Variants in ST6GALNAC2 observed in about 807,000 individuals in gnomAD.
ST6GALNAC2 encodes the protein alpha-N-acetylgalactosaminide alpha-2,6-sialyltransferase 2.
In ST6GALNAC2, 42 loss-of-function variants were observed where a neutral mutation model predicts 38.7. That is an observed-to-expected ratio of 1.09 (90% CI 0.85 to 1.40). The LOEUF is 1.40. ST6GALNAC2 is among the 40% of genes most tolerant of loss of function. The pLI, the probability that ST6GALNAC2 is intolerant of heterozygous loss-of-function variation, is 0.00. For synonymous variants in ST6GALNAC2, 233 were observed against 209.0 expected, an observed-to-expected ratio of 1.11 and a Z score of -0.99; for missense variants, 506 against 481.7, an observed-to-expected ratio of 1.05 and a Z score of -0.47.
intron 2 of ST6GALNAC2, 141 bp downstream of exon 2, chr17:76,578,615 C>T (rs545640398): frequency 2.2e-5 from 16 of 718,764 alleles, no homozygotes; most frequent in African/African-American, 1.8e-4. Flanking sequence ...CCTGAAGGGA[C>T]GGATGCTCAG....
Position 76,571,281 on chromosome 17 carries a change from C to T in ST6GALNAC2, c.670-613G>A, listed in dbSNP as rs112071250. On this transcript the variant is annotated intron_variant, in intron 5 of 8. Coordinates refer to ENST00000225276, the MANE Select transcript of ST6GALNAC2 (RefSeq NM_006456.3). Reference sequence around the variant, plus strand: ...ATTTGTTACACAGTAATAGATAACTCGTACATGTACTGTGGCTACACTGAA... The same window carrying T: ...ATTTGTTACACAGTAATAGATAACTTGTACATGTACTGTGGCTACACTGAA... 3.6e-3 allele frequency: 556 copies of T among 152,732 alleles called. 4 individuals are homozygous for T. The highest frequency in any genetic ancestry group is 8.0e-3 in the South Asian group (39 of 4,848). 9.5% of individuals were successfully genotyped at this position (152,732 alleles called of 1,614,324 possible).
intron 2 of ST6GALNAC2, 119 bp downstream of exon 2, chr17:76,578,637 G>A: frequency 2.2e-6 from 2 of 915,464 alleles, no homozygotes; most frequent in South Asian, 3.2e-5. Context: ...TGTAACTTAG[G>A]GCGTTCCAAA....
chr17:76,574,380 C>T lies in ST6GALNAC2; in HGVS notation c.346G>A (p.Gly116Arg). The change falls in exon 3 of 9, where the codon GGG becomes AGG. Residue 116 changes from glycine to arginine, a missense_variant. Transcript: ENST00000225276. Reference protein sequence around the residue: ...SQHKAPYGWRGLSHQVIASTL... With the variant: ...SQHKAPYGWRRLSHQVIASTL... ...CGCGGGTTACCTTGGTGAGAGAGCC[C>T]CCGCCAGCCATACGGGGCTTTGTGT... is the stretch of plus-strand genomic sequence containing the variant. 1.2e-6 allele frequency: 2 copies of T among 1,612,656 alleles called. No homozygotes were observed. Among genetic ancestry groups the T allele is most frequent in the Non-Finnish European group, 1.7e-6 (2 of 1,179,286 alleles).
rs145122753 is a variant in ST6GALNAC2, at chr17:76,575,691, A to G, written c.187-1152T>C. Among the ~76,000 whole-genome samples, 13 of 152,310 alleles carry G rather than the reference A, an allele frequency of 8.5e-5. No homozygotes were observed. The East Asian group carries it at 2.5e-3, about 29-fold the overall frequency. On this transcript the variant is annotated intron_variant, in intron 2 of 8. Transcript: ENST00000225276. ...TCCAGCAGCCACGGGGAAGGAACAC[A>G]GCACCTCTGTACTTGTGGGCCTTGA...
At position 76,565,936 on chromosome 17, in the gene ST6GALNAC2, A is replaced by G; in HGVS notation, c.*168T>C. Reference sequence around the variant, plus strand: ...AAGAGTTCTTGGATGAGCCAAGGACAAGCTGGGGTGTCCTATATTGAACAG... The same window carrying G: ...AAGAGTTCTTGGATGAGCCAAGGACGAGCTGGGGTGTCCTATATTGAACAG... On this transcript the variant is annotated 3_prime_UTR_variant, in exon 9 of 9. Transcript: ENST00000225276. 1 of 647,956 alleles carries G rather than the reference A, an allele frequency of 1.5e-6. No individual in the cohort carries two copies. Among genetic ancestry groups the G allele is most frequent in the Non-Finnish European group, 2.6e-6 (1 of 387,842 alleles). 40.1% of individuals were successfully genotyped at this position (647,956 alleles called of 1,614,324 possible). A position where few individuals can be genotyped will look rare whatever the true frequency, so the allele number is the denominator to read the frequency against.
At chr17:76,570,229 C>T (rs995298530) in intron 6 of ST6GALNAC2, 8 of 273,128 alleles carry the variant, frequency 2.9e-5, no homozygotes, top group Admixed American at 4.7e-5. Flanking sequence ...GAGCCGCTGG[C>T]GGCTGGGCTG....
intron 1 of ST6GALNAC2, among the ~76,000 whole-genome samples, chr17:76,582,658 T>G (rs10852771): frequency 0.75 from 114,536 of 152,164 alleles, 43,413 homozygotes; most frequent in East Asian, 0.84. Flanking sequence ...CAGACTGGGC[T>G]CCACTCTAAT....
intron 1 of ST6GALNAC2, among the ~76,000 whole-genome samples, chr17:76,583,469 C>A (rs981733499): frequency 6.6e-6 from 1 of 151,670 alleles, no homozygotes; most frequent in Non-Finnish European, 1.5e-5. Flanking sequence ...CCAAGATAGA[C>A]CCACTGTACT....
intron 7 of ST6GALNAC2, chr17:76,568,165 G>C (rs1433431809): frequency 6.2e-6 from 1 of 162,270 alleles, no homozygotes; most frequent in Non-Finnish European, 1.4e-5. Context: ...CTCAGTCTCA[G>C]TGCTGTTGAC....
At chr17:76,569,910 C>T (rs1043407850) in intron 6 of ST6GALNAC2, 7 of 248,606 alleles carry the variant, frequency 2.8e-5, no homozygotes, top group Non-Finnish European at 5.4e-5. Context: ...GCAGTGGCGT[C>T]GATTTTTAGG....
chr17:76,565,884 G>T lies in ST6GALNAC2; in HGVS notation c.*220C>A. Reference sequence around the variant, plus strand: ...AAGCAGTCCATTTTCCCTTGGCCAAGATTGAGATGTATTGTTTTAGATACA... The same window carrying T: ...AAGCAGTCCATTTTCCCTTGGCCAATATTGAGATGTATTGTTTTAGATACA... On this transcript the variant is annotated 3_prime_UTR_variant, in exon 9 of 9. Transcript: ENST00000225276. 1 of 496,298 alleles carries T rather than the reference G, an allele frequency of 2.0e-6. No homozygotes were observed. The highest frequency in any genetic ancestry group is 3.1e-5 in the South Asian group (1 of 32,620). The allele number at this position is 496,298 out of a possible 1,614,324, so 30.7% of individuals were successfully genotyped here.
At chr17:76,574,215 G>T in intron 3 of ST6GALNAC2, 150 bp downstream of exon 3, 1 of 920,566 alleles carries the variant, frequency 1.1e-6, no homozygotes, top group Non-Finnish European at 1.6e-6. Context: ...TGAGGCAGGA[G>T]TTGCATAGCT....
chr17:76,570,394 C>T, intron 6 of ST6GALNAC2, 171 bp downstream of exon 6: 1 of 591,746 alleles, frequency 1.7e-6, no homozygotes, highest in Non-Finnish European at 3.0e-6. Flanking sequence ...AGTAGAATTT[C>T]CCAGTGCTGT....
Position 76,572,753 on chromosome 17 carries a change from C to T in ST6GALNAC2, c.553G>A (p.Gly185Ser). ...TTGGTGCCCACATCGCGCTCGAAGC[C>T]TTTGATCACAGCTCCATTGAGTCTG... Reference protein sequence around the residue: ...VFRLNGAVIKGFERDVGTKTS... With the variant: ...VFRLNGAVIKSFERDVGTKTS... Residue 185 changes from glycine (G) to serine (S), a missense_variant, in exon 5 of 9, where the codon GGC (glycine) becomes AGC (serine). By Grantham distance (56) the Gly-to-Ser change is moderately conservative. Coordinates refer to ENST00000225276, the MANE Select transcript of ST6GALNAC2 (RefSeq NM_006456.3). 1.2e-6 allele frequency: 2 copies of T among 1,614,200 alleles called. No individual in the cohort carries two copies. The highest frequency in any genetic ancestry group is 1.7e-6 in the Non-Finnish European group (2 of 1,180,040).
intron 6 of ST6GALNAC2, chr17:76,569,297 C>T (rs2075324971): frequency 5.9e-6 from 2 of 336,458 alleles, no homozygotes; most frequent in Non-Finnish European, 9.8e-6. Context: ...GATGAGGTGG[C>T]AGGGCTGTAG....
chr17:76,577,066 T>TC (rs201142841), intron 2 of ST6GALNAC2, among the ~76,000 whole-genome samples: 12 of 138,628 alleles, frequency 8.7e-5, no homozygotes, highest in Non-Finnish European at 1.4e-4. Flanking sequence ...TTTTTTTCTT[T>TC]TTTTTTTTTT....
chr17:76,582,259 C>G (rs931276652), intron 1 of ST6GALNAC2, among the ~76,000 whole-genome samples: 3 of 148,634 alleles, frequency 2.0e-5, no homozygotes, highest in African/African-American at 7.5e-5. Flanking sequence ...ACAGCCTTGA[C>G]CTCCTGGGCT....
chr17:76,583,279 G>T (rs998122954), intron 1 of ST6GALNAC2, among the ~76,000 whole-genome samples: 1 of 150,962 alleles, frequency 6.6e-6, no homozygotes, highest in Non-Finnish European at 1.5e-5. Context: ...GGGAGGCTGA[G>T]GTAGGAGAAT....
At chr17:76,570,908 C>T (rs1411257922) in intron 5 of ST6GALNAC2, 2 of 468,290 alleles carry the variant, frequency 4.3e-6, no homozygotes, top group African/African-American at 3.9e-5. Flanking sequence ...CTTAGCGACT[C>T]ATGCACAGGA....
Sources: gnomAD v4.1 joint callset for allele counts (sites outside exome capture counted in the v4.1 genomes callset) on GRCh38, gnomAD v4.1.1 for gene constraint, MANE v1.5 for transcripts, NCBI Gene and HGNC (gene_info 2026-07-23, HGNC 2026-07-21) for gene names.